Variants in RHOU observed in about 807,000 individuals in gnomAD.
The protein encoded by RHOU is rho-related GTP-binding protein RhoU.
RHOU carries 8 observed loss-of-function variants against 12.6 expected under a neutral mutation model. The ratio of observed to expected loss-of-function variants is 0.64; its 90% CI spans 0.37 to 1.15. The LOEUF (loss-of-function observed/expected upper bound fraction) is 1.15. Ranked by LOEUF, RHOU falls within the 50% of genes most tolerant of loss-of-function variation. RHOU has a pLI of 0.01. For synonymous variants in RHOU, 161 were observed against 147.4 expected, an observed-to-expected ratio of 1.09 and a Z score of -0.67; for missense variants, 258 against 347.0, an observed-to-expected ratio of 0.74 and a Z score of 2.04.
Position 228,743,222 on chromosome 1 carries a change from G to A in RHOU, c.322-63G>A, listed in dbSNP as rs1662759436. 7.0e-7 allele frequency: 1 copy of A among 1,427,300 alleles called. No individual in the cohort carries two copies. Among genetic ancestry groups the A allele is most frequent in the Non-Finnish European group, 9.8e-7 (1 of 1,019,272 alleles). 88.4% of individuals were successfully genotyped at this position (1,427,300 alleles called of 1,614,324 possible). On this transcript the variant is annotated intron_variant, in intron 2 of 2. Transcript: ENST00000366691. The surrounding 1 kb of genome is among the most constrained non-coding windows in gnomAD (Gnocchi z 5.1). ...AGACCCTTTCATGAAAAATGTGAAG[G>A]TGATCTTTTTACTGATGAGAATTCA... is the stretch of plus-strand genomic sequence containing the variant.
Position 228,745,509 on chromosome 1 carries a change from G to A in RHOU, c.*1769G>A, listed in dbSNP as rs1187267113. ...TTAGGGGTTCTATTTATTCCTGTTA[G>A]TAAATAAAATTAACAAATTTCTTTG... On this transcript the variant is annotated 3_prime_UTR_variant, in exon 3 of 3. Coordinates refer to ENST00000366691, the MANE Select transcript of RHOU (RefSeq NM_021205.6). The A allele has an allele frequency of 6.6e-6, 1 of 152,170 alleles. No homozygotes were observed. The highest frequency in any genetic ancestry group is 1.5e-5 in the Non-Finnish European group (1 of 68,026). 9.4% of individuals were successfully genotyped at this position (152,170 alleles called of 1,614,324 possible).
chr1:228,677,036 GT>G, the RHOU span, among the ~76,000 whole-genome samples: 1 of 152,136 alleles, frequency 6.6e-6, no homozygotes, highest in African/African-American at 2.4e-5. Context: ...TGAAATAGTG[GT>G]AAAGTGTTGG....
At position 228,743,422 on chromosome 1, in the gene RHOU, A is replaced by T; in HGVS notation, c.459A>T (p.Lys153Asn). 1 of 1,614,170 alleles carries T rather than the reference A, an allele frequency of 6.2e-7. No homozygotes were observed. The highest frequency in any genetic ancestry group is 1.3e-5 in the African/African-American group (1 of 75,020). Residue 153 changes from lysine (K) to asparagine (N), a missense_variant, in exon 3 of 3, where the codon AAA becomes AAT. Physicochemically the swap from Lys to Asn is moderately conservative, Grantham distance 94. Coordinates refer to ENST00000366691, the MANE Select transcript of RHOU (RefSeq NM_021205.6). This position sits in a 1 kb window ranked among gnomAD's most constrained non-coding sequence, Gnocchi z 5.1. ...CGGAGATTCGATGCCACTGTCCCAA[A>T]GCCCCCATCATCCTAGTTGGAACGC... ...WVPEIRCHCPKAPIILVGTQS... is the reference protein window; with the variant it reads ...WVPEIRCHCPNAPIILVGTQS...
chr1:228,687,857 G>C, the RHOU span: 1 of 1,072,860 alleles, frequency 9.3e-7, no homozygotes, highest in African/African-American at 1.5e-5. Context: ...ATAGCCGTGG[G>C]AGTGACTTCC....
Position 228,743,863 on chromosome 1 carries a change from G to C in RHOU, c.*123G>C. 2 of 798,408 alleles carry C rather than the reference G, an allele frequency of 2.5e-6. No homozygotes were observed. The highest frequency in any genetic ancestry group is 4.3e-5 in the South Asian group (2 of 46,070). 49.5% of individuals were successfully genotyped at this position (798,408 alleles called of 1,614,324 possible). On this transcript the variant is annotated 3_prime_UTR_variant, in exon 3 of 3. Coordinates refer to ENST00000366691, the MANE Select transcript of RHOU (RefSeq NM_021205.6). The surrounding 1 kb of genome is among the most constrained non-coding windows in gnomAD (Gnocchi z 5.1). ...GAGAGTGTGTGTATATGTATTATAG[G>C]AGGAGCTCTCAATTTTATGTATTCT...
Position 228,743,325 on chromosome 1 carries a change from C to G in RHOU, c.362C>G (p.Thr121Arg). The G allele has an allele frequency of 1.2e-6, 2 of 1,614,236 alleles. No individual in the cohort carries two copies. Among genetic ancestry groups the G allele is most frequent in the Non-Finnish European group, 1.7e-6 (2 of 1,180,046 alleles). ...CTGAGGCCTCTCTGCTACACCAACA[C>G]AGACATCTTCCTGCTCTGCTTCAGT... ...DKLRPLCYTN[T>R]DIFLLCFSVV... The change falls in exon 3 of 3, where the codon ACA (threonine) becomes AGA (arginine). Residue 121 changes from threonine (T) to arginine (R), a missense_variant. Thr to Arg is a moderately conservative substitution (Grantham distance 71, BLOSUM62 -1). Transcript: ENST00000366691. The surrounding 1 kb of genome is among the most constrained non-coding windows in gnomAD (Gnocchi z 5.1).
chr1:228,704,492 C>T, the RHOU span, among the ~76,000 whole-genome samples: 1 of 151,860 alleles, frequency 6.6e-6, no homozygotes, highest in Non-Finnish European at 1.5e-5. Flanking sequence ...GCCCTGTCAC[C>T]CAGGGAGTCA....
the RHOU span, among the ~76,000 whole-genome samples, chr1:228,711,231 G>A: frequency 6.6e-6 from 1 of 151,798 alleles, no homozygotes; most frequent in South Asian, 2.1e-4. Context: ...TGGCCATACT[G>A]CCCAAGGTAA....
chr1:228,651,293 C>A, the RHOU span: 1 of 173,234 alleles, frequency 5.8e-6, no homozygotes. Context: ...CTGCACATTC[C>A]CTGCCTCAGT....
At chr1:228,670,030 G>A in the RHOU span, among the ~76,000 whole-genome samples, 1 of 152,184 alleles carries the variant, frequency 6.6e-6, no homozygotes, top group Non-Finnish European at 1.5e-5. Flanking sequence ...TGGTGGGCCT[G>A]GCCTTGCTCT....
At chr1:228,719,493 G>A in the RHOU span, among the ~76,000 whole-genome samples, 844 of 152,294 alleles carry the variant, frequency 5.5e-3, 8 homozygotes, top group African/African-American at 0.02. Flanking sequence ...ACTTTGGAAA[G>A]CTGAGGTTGG....
chr1:228,720,589 G>A, the RHOU span, among the ~76,000 whole-genome samples: 2 of 152,286 alleles, frequency 1.3e-5, no homozygotes, highest in East Asian at 1.9e-4. Flanking sequence ...GTGAAGACGT[G>A]AGAAGAAGAT....
chr1:228,668,615 G>A, the RHOU span, among the ~76,000 whole-genome samples: 1 of 152,210 alleles, frequency 6.6e-6, no homozygotes, highest in Non-Finnish European at 1.5e-5. Context: ...ATAACACAGT[G>A]CTAAGATGTC....
At chr1:228,740,331 C>T (rs961296898) in intron 2 of RHOU, among the ~76,000 whole-genome samples, 3 of 152,146 alleles carry the variant, frequency 2.0e-5, no homozygotes, top group South Asian at 2.1e-4. Context: ...CCTTTGTGTA[C>T]TGGTTAGAAG....
the RHOU span, among the ~76,000 whole-genome samples, chr1:228,654,500 C>T: frequency 6.6e-6 from 1 of 152,178 alleles, no homozygotes; most frequent in Non-Finnish European, 1.5e-5. Context: ...GACATTAAAA[C>T]TGCAAACCAG....
chr1:228,679,504 G>C, the RHOU span, among the ~76,000 whole-genome samples: 1 of 151,756 alleles, frequency 6.6e-6, no homozygotes, highest in Non-Finnish European at 1.5e-5. Flanking sequence ...GAGGTATTGA[G>C]GATAGGAGAA....
At chr1:228,671,860 G>T in the RHOU span, among the ~76,000 whole-genome samples, 2 of 151,970 alleles carry the variant, frequency 1.3e-5, no homozygotes, top group African/African-American at 4.8e-5. Context: ...GACTTTATAT[G>T]AATTTATTGC....
intron 2 of RHOU, among the ~76,000 whole-genome samples, chr1:228,740,721 C>T (rs1662703713): frequency 6.6e-6 from 1 of 152,232 alleles, no homozygotes; most frequent in African/African-American, 2.4e-5. Flanking sequence ...CTTCAGATGC[C>T]TGGAGAATCA....
upstream of RHOU, among the ~76,000 whole-genome samples, chr1:228,733,100 C>T (rs1422536745): frequency 6.6e-6 from 1 of 152,182 alleles, no homozygotes; most frequent in Non-Finnish European, 1.5e-5. Flanking sequence ...GGTGAACTTG[C>T]TTTTTGTTGT....
Sources: gnomAD v4.1 joint callset for allele counts (sites outside exome capture counted in the v4.1 genomes callset) on GRCh38, gnomAD v4.1.1 for gene constraint, Gnocchi (gnomAD v3.1) non-coding constraint, MANE v1.5 for transcripts, NCBI Gene and HGNC (gene_info 2026-07-23, HGNC 2026-07-21) for gene names.